Variants in GALNT17 observed in about 807,000 individuals in gnomAD.
GALNT17 encodes UDP-GalNAc:polypeptide N-acetylgalactosaminyltransferase-like 3.
A neutral mutation model predicts 63.7 loss-of-function variants in GALNT17; 29 were observed. The observed-to-expected ratio is 0.46, with a 90% CI of 0.34 to 0.62. GALNT17 has a LOEUF of 0.62. Among genes scored for constraint, GALNT17 ranks in the 20% least tolerant of loss-of-function variants. The pLI, the probability that GALNT17 is intolerant of heterozygous loss-of-function variation, is 0.01. For missense variants in GALNT17, 603 were observed against 799.6 expected (o/e 0.75, Z 2.97); for synonymous variants, 305 against 318.3 (o/e 0.96, Z 0.45).
At chr7:71,224,376 G>T (rs970708995) in intron 1 of GALNT17, among the ~76,000 whole-genome samples, 4 of 152,136 alleles carry the variant, frequency 2.6e-5, no homozygotes, top group Non-Finnish European at 5.9e-5. Context: ...TGATCATCAA[G>T]ATTTTCTTTG....
chr7:71,469,501 T>C (rs147651405), intron 5 of GALNT17, among the ~76,000 whole-genome samples: 1 of 152,228 alleles, frequency 6.6e-6, no homozygotes, highest in East Asian at 1.9e-4. Context: ...TGGAAGTAGA[T>C]TTGTGGACAG....
intron 5 of GALNT17, among the ~76,000 whole-genome samples, chr7:71,428,741 T>C (rs1786806571): frequency 6.6e-6 from 1 of 152,118 alleles, no homozygotes; most frequent in Admixed American, 6.6e-5. Flanking sequence ...CCGGCTGACA[T>C]CGTTTTTAAA....
intron 5 of GALNT17, among the ~76,000 whole-genome samples, chr7:71,522,434 G>A (rs924334416): frequency 6.6e-6 from 1 of 152,162 alleles, no homozygotes; most frequent in African/African-American, 2.4e-5. Context: ...TCACAATCAT[G>A]GTGGAAGTCA....
At chr7:71,138,711 C>T (rs1463839365) in intron 1 of GALNT17, among the ~76,000 whole-genome samples, 2 of 152,048 alleles carry the variant, frequency 1.3e-5, no homozygotes, top group Non-Finnish European at 2.9e-5. Flanking sequence ...CAGTGGCTCA[C>T]GCCTGTAATC....
At chr7:71,289,100 T>C (rs1790930336) in intron 1 of GALNT17, among the ~76,000 whole-genome samples, 2 of 150,192 alleles carry the variant, frequency 1.3e-5, no homozygotes, top group African/African-American at 5.1e-5. Context: ...AAATTTTGTG[T>C]GTGACTTTTG....
chr7:71,242,919 T>A (rs1186277440), intron 1 of GALNT17, among the ~76,000 whole-genome samples: 3 of 152,244 alleles, frequency 2.0e-5, no homozygotes, highest in Non-Finnish European at 4.4e-5. Flanking sequence ...TTTCTGTGGT[T>A]TACAGCTAGT....
At chr7:71,361,379 G>A (rs1057144244) in intron 2 of GALNT17, among the ~76,000 whole-genome samples, 1 of 152,052 alleles carries the variant, frequency 6.6e-6, no homozygotes, top group Non-Finnish European at 1.5e-5. Flanking sequence ...TTTAGCACTT[G>A]AAACCCAGGG....
intron 5 of GALNT17, among the ~76,000 whole-genome samples, chr7:71,483,475 A>G (rs528376047): frequency 1.8e-4 from 28 of 152,090 alleles, no homozygotes; most frequent in African/African-American, 6.7e-4. Flanking sequence ...TTCCAAAAAT[A>G]AAAAAGGAAA....
intron 1 of GALNT17, among the ~76,000 whole-genome samples, chr7:71,308,455 G>A (rs984640284): frequency 6.6e-6 from 1 of 152,114 alleles, no homozygotes; most frequent in Non-Finnish European, 1.5e-5. Context: ...AGTAGGGAGG[G>A]AATGAATAGG....
intron 2 of GALNT17, among the ~76,000 whole-genome samples, chr7:71,345,638 A>T (rs1282001460): frequency 6.6e-6 from 1 of 152,082 alleles, no homozygotes; most frequent in East Asian, 1.9e-4. Flanking sequence ...ATCCAACTCC[A>T]GTGGGTATTT....
At chr7:71,512,651 A>G (rs555911102) in intron 5 of GALNT17, among the ~76,000 whole-genome samples, 79 of 152,316 alleles carry the variant, frequency 5.2e-4, no homozygotes, top group African/African-American at 1.7e-3. Context: ...GCTATTTTTC[A>G]GGGCTCTCTG....
At chr7:71,589,163 T>C (rs1789762821) in intron 6 of GALNT17, among the ~76,000 whole-genome samples, 1 of 152,160 alleles carries the variant, frequency 6.6e-6, no homozygotes, top group Non-Finnish European at 1.5e-5. Context: ...AGAAGCACTT[T>C]TTGCACCACA....
chr7:71,691,899 T>C (rs62458993), intron 9 of GALNT17, among the ~76,000 whole-genome samples: 4 of 101,126 alleles, frequency 4.0e-5, no homozygotes, highest in South Asian at 3.3e-4. Flanking sequence ...TTCCTTCCTT[T>C]CTCTCTTTCT....
intron 5 of GALNT17, among the ~76,000 whole-genome samples, chr7:71,426,648 C>T (rs1347244431): frequency 2.6e-5 from 4 of 152,066 alleles, no homozygotes; most frequent in East Asian, 3.9e-4. Context: ...GAAGAAGAGG[C>T]GGTGGCTCAC....
intron 5 of GALNT17, among the ~76,000 whole-genome samples, chr7:71,493,651 C>A (rs1584000690): frequency 6.6e-6 from 1 of 152,208 alleles, no homozygotes; most frequent in East Asian, 1.9e-4. Context: ...CCAATGATCT[C>A]CCCCAGGGAT....
chr7:71,534,933 T>C (rs569071675), intron 5 of GALNT17, among the ~76,000 whole-genome samples: 3 of 152,356 alleles, frequency 2.0e-5, no homozygotes, highest in African/African-American at 7.2e-5. Flanking sequence ...TACGGTGTAC[T>C]AGGTTCCCTT....
intron 5 of GALNT17, among the ~76,000 whole-genome samples, chr7:71,527,534 G>C (rs1584026893): frequency 6.6e-6 from 1 of 152,090 alleles, no homozygotes; most frequent in African/African-American, 2.4e-5. Context: ...AGGCTGGCAC[G>C]GAAGGCTCAC....
At chr7:71,460,461 G>A (rs1002152400) in intron 5 of GALNT17, among the ~76,000 whole-genome samples, 3 of 152,172 alleles carry the variant, frequency 2.0e-5, no homozygotes, top group Non-Finnish European at 4.4e-5. Flanking sequence ...TCTGTGTGAT[G>A]GACCTTTTGA....
chr7:71,410,672 G>A (rs998019380), intron 3 of GALNT17, among the ~76,000 whole-genome samples: 1 of 152,210 alleles, frequency 6.6e-6, no homozygotes, highest in Non-Finnish European at 1.5e-5. Flanking sequence ...CTGAAAGTGC[G>A]GGATTGAGAC....
Sources: allele counts gnomAD v4.1 joint callset (sites outside exome capture counted in the v4.1 genomes callset), GRCh38; gene constraint gnomAD v4.1.1; transcripts MANE v1.5; gene names NCBI Gene and HGNC (gene_info 2026-07-23, HGNC 2026-07-21).